The following SUOX variants were observed in gnomAD, a reference collection of about 807,000 sequenced individuals.
SUOX encodes sulfite oxidase, mitochondrial.
In SUOX, 39 loss-of-function variants were observed where a neutral mutation model predicts 41.9. The observed-to-expected ratio is 0.93, with a 90% CI of 0.72 to 1.21. The LOEUF is 1.21. SUOX is among the 50% of genes most tolerant of loss of function. The pLI is 0.00. For missense variants in SUOX, 633 were observed against 689.5 expected (o/e 0.92, Z 0.92); for synonymous variants, 220 against 268.4 (o/e 0.82, Z 1.76).
At chr12:56,000,186 G>A (rs1246571406) in intron 2 of SUOX, among the ~76,000 whole-genome samples, 1 of 152,354 alleles carries the variant, frequency 6.6e-6, no homozygotes, top group African/African-American at 2.4e-5. Flanking sequence ...ACTGGGTGCC[G>A]TGGAGCAGGG....
chr12:55,999,740 T>C (rs1890442570), intron 2 of SUOX: 1 of 152,306 alleles, frequency 6.6e-6, no homozygotes, highest in African/African-American at 2.4e-5. Context: ...GCTTTTGTTC[T>C]CTTATCTGGT....
rs1419017583 is a variant in SUOX at position 56,004,543 on chromosome 12, G to T, written c.1154G>T (p.Ser385Ile). ...ARHVKWLGRVSVQPEESYSHW... is the reference protein window; with the variant it reads ...ARHVKWLGRVIVQPEESYSHW... Reference sequence around the variant, plus strand: ...CATGTCAAATGGCTGGGCAGAGTGAGTGTGCAGCCAGAGGAAAGTTACAGC... The same window carrying T: ...CATGTCAAATGGCTGGGCAGAGTGATTGTGCAGCCAGAGGAAAGTTACAGC... Residue 385 changes from serine (S) to isoleucine (I), a missense_variant, in exon 5 of 5, where the codon AGT becomes ATT. Ser to Ile is a moderately radical substitution (Grantham distance 142). Coordinates refer to ENST00000266971, the MANE Select transcript of SUOX (RefSeq NM_001032386.2). This position sits in a 1 kb window ranked among gnomAD's most constrained non-coding sequence, Gnocchi z 4.5. The T allele has an allele frequency of 1.9e-6, 3 of 1,614,220 alleles. No individual in the cohort carries two copies. Among genetic ancestry groups the T allele is most frequent in the African/African-American group, 1.3e-5 (1 of 75,052 alleles).
Position 56,002,209 on chromosome 12 carries a change from C to T in SUOX, c.-10-3C>T, listed in dbSNP as rs897463883. Reference sequence around the variant, plus strand: ...TCTTGATCCCAGAATCTTCCTTCTACAGGTCTGCTACAATGCTGCTGCTGC... The same window carrying T: ...TCTTGATCCCAGAATCTTCCTTCTATAGGTCTGCTACAATGCTGCTGCTGC... On this transcript the variant is annotated splice_polypyrimidine_tract_variant and splice_region_variant and intron_variant, in intron 2 of 4. Coordinates refer to ENST00000266971, the MANE Select transcript of SUOX (RefSeq NM_001032386.2). 4.3e-6 allele frequency: 7 copies of T among 1,613,096 alleles called. No individual in the cohort carries two copies. Among genetic ancestry groups the T allele is most frequent in the African/African-American group, 1.3e-5 (1 of 74,916 alleles).
intron 2 of SUOX, chr12:55,999,235 T>C (rs1890420619): frequency 6.6e-6 from 1 of 152,248 alleles, no homozygotes; most frequent in Non-Finnish European, 1.5e-5. Context: ...CAGCTCACTC[T>C]GTAACCTCAA....
intron 2 of SUOX, among the ~76,000 whole-genome samples, chr12:55,998,554 A>G (rs997805268): frequency 2.1e-5 from 3 of 144,760 alleles, no homozygotes; most frequent in Admixed American, 6.8e-5. Context: ...GGGCAGGGGG[A>G]GGGGAGGGGA....
intron 2 of SUOX, among the ~76,000 whole-genome samples, chr12:56,000,242 G>T (rs972070124): frequency 6.6e-6 from 1 of 152,230 alleles, no homozygotes; most frequent in Non-Finnish European, 1.5e-5. Context: ...AGCCCACGGC[G>T]AAGGGGGGCT....
chr12:55,999,857 C>T (rs1448477139), intron 2 of SUOX, among the ~76,000 whole-genome samples: 1 of 152,172 alleles, frequency 6.6e-6, no homozygotes, highest in Non-Finnish European at 1.5e-5. Context: ...TCCACATCCC[C>T]ACCAGATTAG....
Position 56,004,052 on chromosome 12 carries a change from T to C in SUOX, c.663T>C (p.Pro221=). The C allele has an allele frequency of 1.2e-6, 2 of 1,614,102 alleles. No homozygotes were observed. The highest frequency in any genetic ancestry group is 2.2e-5 in the South Asian group (2 of 91,088). ...NPIFFTRNHL[P]VPNLDPDTYR... ...TCTTCTTCACCCGGAACCATCTGCC[T>C]GTACCTAACCTGGATCCAGACACCT... Residue 221 remains proline, a synonymous_variant, in exon 5 of 5, where the codon CCT becomes CCC. Coordinates refer to ENST00000266971, the MANE Select transcript of SUOX (RefSeq NM_001032386.2). The surrounding 1 kb of genome is among the most constrained non-coding windows in gnomAD (Gnocchi z 4.5).
intron 2 of SUOX, among the ~76,000 whole-genome samples, chr12:55,998,405 T>C (rs372791566): frequency 1.5e-4 from 22 of 147,852 alleles, no homozygotes; most frequent in African/African-American, 5.5e-4. Context: ...AAAAAGACCA[T>C]GCATGGTGGC....
In SUOX at chr12:56,005,063, C is replaced by A. The variant is rs932733920; in HGVS notation, c.*36C>A. On this transcript the variant is annotated 3_prime_UTR_variant, in exon 5 of 5. Coordinates refer to ENST00000266971, the MANE Select transcript of SUOX (RefSeq NM_001032386.2). ...GAGCCACCTCCACCCCTTTCCCCAC[C>A]CATTAGCCTCACTGCTTCAGAAAAA... The A allele has an allele frequency of 1.9e-6, 3 of 1,599,048 alleles. No individual in the cohort carries two copies. The highest frequency in any genetic ancestry group is 2.6e-6 in the Non-Finnish European group (3 of 1,176,192).
intron 4 of SUOX, 80 bp downstream of exon 4, chr12:56,002,800 C>A: frequency 1.3e-6 from 2 of 1,559,816 alleles, no homozygotes; most frequent in Non-Finnish European, 1.8e-6. Context: ...TATAGGAGGC[C>A]AAGGTGGGTG....
intron 2 of SUOX, among the ~76,000 whole-genome samples, chr12:56,000,272 G>A (rs1890465287): frequency 6.6e-6 from 1 of 152,246 alleles, no homozygotes; most frequent in Non-Finnish European, 1.5e-5. Context: ...CGGGCTGCAG[G>A]TCCCGAGCCC....
intron 2 of SUOX, among the ~76,000 whole-genome samples, chr12:56,000,546 C>A (rs1565795908): frequency 6.6e-6 from 1 of 152,182 alleles, no homozygotes; most frequent in African/African-American, 2.4e-5. Context: ...TCCCTGCAAG[C>A]TGAGGGAGCC....
At chr12:55,998,382 CAAA>C (rs780569420) in intron 2 of SUOX, among the ~76,000 whole-genome samples, 4 of 55,680 alleles carry the variant, frequency 7.2e-5, no homozygotes, top group Admixed American at 2.0e-4. Context: ...CTCATCTCTA[CAAA>C]AAAAAAAAAA....
At position 56,004,314 on chromosome 12, in the gene SUOX, C is replaced by T; in HGVS notation, c.925C>T (p.Leu309Phe). 1.2e-6 allele frequency: 2 copies of T among 1,614,132 alleles called. No individual in the cohort carries two copies. Among genetic ancestry groups the T allele is most frequent in the Non-Finnish European group, 1.7e-6 (2 of 1,180,008 alleles). The change falls in exon 5 of 5, where the codon CTC becomes TTC. Residue 309 changes from leucine (L) to phenylalanine (F), a missense_variant. Physicochemically the swap from Leu to Phe is conservative, Grantham distance 22. Transcript: ENST00000266971. The surrounding 1 kb of genome is among the most constrained non-coding windows in gnomAD (Gnocchi z 4.5). ...TGTGTTAGCCCAGGCTGGCCACCAA[C>T]TCTGTGAAACTGAGGCCCACGTCTG... ...CDVLAQAGHQLCETEAHVCFE... is the reference protein window; with the variant it reads ...CDVLAQAGHQFCETEAHVCFE...
At chr12:56,002,158 TA>T in intron 2 of SUOX, 53 bp from the exon 3 acceptor site, 1 of 1,606,344 alleles carries the variant, frequency 6.2e-7, no homozygotes. Context: ...TAGGCCTCCC[TA>T]ATATCCCCTC....
In SUOX at chr12:56,003,480, T is replaced by G. The variant is rs1000071886; in HGVS notation, c.229-138T>G. 8.1e-6 allele frequency: 6 copies of G among 743,580 alleles called. No homozygotes were observed. The African/African-American group carries it at 1.0e-4, about 13-fold the overall frequency. The allele number at this position is 743,580 out of a possible 1,614,324, so 46.1% of individuals were successfully genotyped here. A position where few individuals can be genotyped will look rare whatever the true frequency, so the allele number is the denominator to read the frequency against. On this transcript the variant is annotated intron_variant, in intron 4 of 4. Transcript: ENST00000266971. ...TTCTCCATGTTGGTCAAGCTGGTCT[T>G]GAACTCCCGACCTTATGTGATCCGC... is the stretch of plus-strand genomic sequence containing the variant.
chr12:56,000,262 C>G (rs1249861292), intron 2 of SUOX, among the ~76,000 whole-genome samples: 2 of 152,214 alleles, frequency 1.3e-5, no homozygotes, highest in African/African-American at 4.8e-5. Flanking sequence ...TCAGGCATGG[C>G]GGGCTGCAGG....
chr12:55,999,635 G>A (rs1348557634), intron 2 of SUOX: 1 of 152,326 alleles, frequency 6.6e-6, no homozygotes, highest in East Asian at 1.9e-4. Context: ...CGAAGAGTGA[G>A]CAGCAGCAAG....
Sources: gnomAD v4.1 joint callset for allele counts (sites outside exome capture counted in the v4.1 genomes callset) on GRCh38, gnomAD v4.1.1 for gene constraint, Gnocchi (gnomAD v3.1) non-coding constraint, MANE v1.5 for transcripts, NCBI Gene and HGNC (gene_info 2026-07-23, HGNC 2026-07-21) for gene names.